The following CD47 variants were observed in gnomAD, a reference collection of about 807,000 sequenced individuals.
CD47 encodes leukocyte surface antigen CD47.
A neutral mutation model predicts 44.6 loss-of-function variants in CD47; 11 were observed. The ratio of observed to expected loss-of-function variants is 0.25; its 90% confidence interval spans 0.16 to 0.41. The LOEUF is 0.41. Among genes scored for constraint, CD47 ranks in the 10% least tolerant of loss-of-function variants. The pLI, the probability that CD47 is intolerant of heterozygous loss-of-function variation, is 1.00. For missense variants in CD47, 306 were observed against 386.7 expected, an observed-to-expected ratio of 0.79 and a Z score of 1.75; for synonymous variants, 140 against 136.3, an observed-to-expected ratio of 1.03 and a Z score of -0.19.
At chr3:108,059,346 C>A (rs560992703) in intron 5 of CD47, 106 bp downstream of exon 5, 3 of 509,910 alleles carry the variant, frequency 5.9e-6, no homozygotes, top group East Asian at 6.8e-5. Flanking sequence ...TTTAATAAAC[C>A]TACTCTTATT....
chr3:108,084,403 A>G (rs894008186), intron 1 of CD47, among the ~76,000 whole-genome samples: 4 of 151,846 alleles, frequency 2.6e-5, no homozygotes, highest in South Asian at 2.1e-4. Flanking sequence ...ACCCCATCCT[A>G]GTTTGCTTTC....
intron 7 of CD47, chr3:108,055,675 G>A: frequency 1.9e-6 from 1 of 528,994 alleles, no homozygotes; most frequent in Non-Finnish European, 3.4e-6. Context: ...ATAAATTTTA[G>A]CATATAGTAT....
chr3:108,055,796 C>T (rs2078903519), intron 7 of CD47, among the ~76,000 whole-genome samples: 1 of 152,084 alleles, frequency 6.6e-6, no homozygotes, highest in Non-Finnish European at 1.5e-5. Context: ...AGTGGTTTCA[C>T]AGGCTTGGAG....
In CD47 at chr3:108,071,188, GA is replaced by G; in HGVS notation, c.401-7del. ...ATTTGGAGAAAACCATGAAACTGGG[GA>G]AGAAGAAAACAAAAGTCACAATTAA... On this transcript the variant is annotated splice_polypyrimidine_tract_variant and splice_region_variant and intron_variant, in intron 2 of 10. Coordinates refer to ENST00000361309, the MANE Select transcript of CD47 (RefSeq NM_001777.4). 7.4e-7 allele frequency: 1 copy of G among 1,345,826 alleles called. No homozygotes were observed. Among genetic ancestry groups the G allele is most frequent in the Non-Finnish European group, 1.0e-6 (1 of 969,192 alleles). The allele number at this position is 1,345,826 out of a possible 1,614,324, so 83.4% of individuals were successfully genotyped here. A position where few individuals can be genotyped will look rare whatever the true frequency, so the allele number is the denominator to read the frequency against.
At chr3:108,086,681 A>G in intron 1 of CD47, among the ~76,000 whole-genome samples, 1 of 152,212 alleles carries the variant, frequency 6.6e-6, no homozygotes, top group East Asian at 1.9e-4. Context: ...AGAGAAGGCA[A>G]CAACTGACAA....
rs1480872835 is a variant in CD47 at position 108,071,201 on chromosome 3, A to G, written c.401-19T>C. The G allele has an allele frequency of 8.8e-7, 1 of 1,134,006 alleles. No homozygotes were observed. Among genetic ancestry groups the G allele is most frequent in the Non-Finnish European group, 1.3e-6 (1 of 779,334 alleles). The allele number at this position is 1,134,006 out of a possible 1,614,324, so 70.2% of individuals were successfully genotyped here. A position where few individuals can be genotyped will look rare whatever the true frequency, so the allele number is the denominator to read the frequency against. ...CATGAAACTGGGGAAGAAGAAAACA[A>G]AAGTCACAATTAATATTTACTATAA... is the stretch of plus-strand genomic sequence containing the variant. On this transcript the variant is annotated intron_variant, in intron 2 of 10. Coordinates refer to ENST00000361309, the MANE Select transcript of CD47 (RefSeq NM_001777.4).
intron 1 of CD47, among the ~76,000 whole-genome samples, chr3:108,087,503 A>G (rs906135359): frequency 3.9e-5 from 6 of 152,178 alleles, no homozygotes; most frequent in African/African-American, 7.2e-5. Flanking sequence ...CTGTCTATAT[A>G]CTACATCTTA....
chr3:108,081,777 T>C (rs2079424287), intron 1 of CD47, among the ~76,000 whole-genome samples: 1 of 151,908 alleles, frequency 6.6e-6, no homozygotes, highest in African/African-American at 2.4e-5. Context: ...AACAATACTA[T>C]GCTGTAAAAA....
In CD47 at chr3:108,043,514, TACTGACAAATAG is replaced by T. The variant is rs2078663352; in HGVS notation, c.*3762_*3773del. 6.6e-6 allele frequency: 1 copy of T among 152,244 alleles called. No homozygotes were observed. Among genetic ancestry groups the T allele is most frequent in the East Asian group, 1.9e-4 (1 of 5,188 alleles). 9.4% of individuals were successfully genotyped at this position (152,244 alleles called of 1,614,324 possible). ...CTTCAAATCACTGCAAAAAAATGGC[TACTGACAAATAG>T]CACACCTTTAATTGCTATGCAAAAA... On this transcript the variant is annotated 3_prime_UTR_variant, in exon 11 of 11. Coordinates refer to ENST00000361309, the MANE Select transcript of CD47 (RefSeq NM_001777.4).
At chr3:108,071,049 A>G (rs879088092) in intron 3 of CD47, 44 bp downstream of exon 3, 3 of 808,172 alleles carry the variant, frequency 3.7e-6, no homozygotes, top group African/African-American at 1.8e-5. Context: ...AGAAATAACT[A>G]TATCATCACT....
intron 7 of CD47, among the ~76,000 whole-genome samples, chr3:108,055,196 T>C: frequency 6.6e-6 from 1 of 152,126 alleles, no homozygotes; most frequent in East Asian, 1.9e-4. Flanking sequence ...AAATTTAAAG[T>C]TGGAAATAAT....
At chr3:108,073,230 CT>C (rs1416036427) in intron 2 of CD47, among the ~76,000 whole-genome samples, 1 of 151,634 alleles carries the variant, frequency 6.6e-6, no homozygotes, top group Non-Finnish European at 1.5e-5. Context: ...GTCCCTGCCC[CT>C]ATACACAACA....
rs58021560 is a variant in CD47, at chr3:108,065,811, C to CAAAAA, written c.491-4964_491-4960dup. ...TGGGCAACAGAGCGAGACTCCGTCT[C>CAAAAA]AAAAAAAAAAAAAAAAAAAAAAAAA... On this transcript the variant is annotated intron_variant, in intron 3 of 10. Transcript: ENST00000361309. Among the ~76,000 whole-genome samples, 110 of 61,176 alleles carry CAAAAA rather than the reference C, an allele frequency of 1.8e-3. 1 individual carries two copies. Among genetic ancestry groups the CAAAAA allele is most frequent in the Non-Finnish European group, 2.1e-3 (71 of 33,940 alleles). The allele number at this position is 61,176 out of a possible 152,430, so 40.1% of individuals were successfully genotyped here. A position where few individuals can be genotyped will look rare whatever the true frequency, so the allele number is the denominator to read the frequency against.
rs1361711683 is a variant in CD47, at chr3:108,045,542, T to C, written c.*1746A>G. Reference sequence around the variant, plus strand: ...ACATACGTATATATAGATATACGTATATATTTGTGTATACATATTTTTTTT... The same window carrying C: ...ACATACGTATATATAGATATACGTACATATTTGTGTATACATATTTTTTTT... On this transcript the variant is annotated 3_prime_UTR_variant, in exon 11 of 11. Coordinates refer to ENST00000361309, the MANE Select transcript of CD47 (RefSeq NM_001777.4). 1 of 149,574 alleles carries C rather than the reference T, an allele frequency of 6.7e-6. No individual in the cohort carries two copies. Among genetic ancestry groups the C allele is most frequent in the Non-Finnish European group, 1.5e-5 (1 of 67,152 alleles). The allele number at this position is 149,574 out of a possible 1,614,324, so 9.3% of individuals were successfully genotyped here. A position where few individuals can be genotyped will look rare whatever the true frequency, so the allele number is the denominator to read the frequency against.
In CD47 at chr3:108,060,772, T is replaced by C. The variant is rs773886112; in HGVS notation, c.571A>G (p.Ile191Val). 4 of 1,613,318 alleles carry C rather than the reference T, an allele frequency of 2.5e-6. No homozygotes were observed. Among genetic ancestry groups the C allele is most frequent in the Admixed American group, 1.7e-5 (1 of 60,018 alleles). The change falls in exon 4 of 11, where the codon ATT becomes GTT. Residue 191 changes from isoleucine to valine, a missense_variant. Ile to Val is a conservative substitution (Grantham distance 29, BLOSUM62 3). Transcript: ENST00000361309. ...GGGACGAAAAGAATGGCTCCAACAA[T>C]GACAATGACAGTGATCACTAGTCCA... ...VAGLVITVIV[I>V]VGAILFVPGE...
rs78339071 is a variant in CD47, at chr3:108,076,149, C to T, written c.400+3842G>A. 1.5e-3 allele frequency among the ~76,000 whole-genome samples: 224 copies of T among 152,302 alleles called. 1 individual carries two copies. Among genetic ancestry groups the T allele is most frequent in the African/African-American group, 5.2e-3 (218 of 41,562 alleles). On this transcript the variant is annotated intron_variant, in intron 2 of 10. Coordinates refer to ENST00000361309, the MANE Select transcript of CD47 (RefSeq NM_001777.4). The stretch of plus-strand genomic sequence containing the variant: ...AGAACCCAGTCATGCCATGACCAGG[C>T]TTGCCACCTACAAAACTTTGAGCTA...
chr3:108,047,540 G>GA (rs937782973), intron 10 of CD47, among the ~76,000 whole-genome samples: 2 of 152,178 alleles, frequency 1.3e-5, no homozygotes, highest in Non-Finnish European at 2.9e-5. Context: ...GTTGGCTGAG[G>GA]AAAAGCCAAG....
chr3:108,085,955 A>G (rs2079513144), intron 1 of CD47, among the ~76,000 whole-genome samples: 1 of 152,122 alleles, frequency 6.6e-6, no homozygotes, highest in Non-Finnish European at 1.5e-5. Context: ...TTGGATAGAA[A>G]AGTTCCTTAA....
At chr3:108,082,720 A>G (rs2079442371) in intron 1 of CD47, among the ~76,000 whole-genome samples, 2 of 150,432 alleles carry the variant, frequency 1.3e-5, no homozygotes, top group African/African-American at 5.0e-5. Context: ...ATTTCATAAC[A>G]TATGTTTAGA....
Sources: allele counts gnomAD v4.1 joint callset (sites outside exome capture counted in the v4.1 genomes callset), GRCh38; gene constraint gnomAD v4.1.1; transcripts MANE v1.5; gene names NCBI Gene and HGNC (gene_info 2026-07-23, HGNC 2026-07-21).